The following ZNF93 variants were observed in gnomAD, a reference collection of about 807,000 sequenced individuals.
ZNF93 encodes zinc finger protein 93, also known as zinc finger protein 505.
A neutral mutation model predicts 45.0 loss-of-function variants in ZNF93; 29 were observed. The ratio of observed to expected loss-of-function variants is 0.64; its 90% CI spans 0.48 to 0.88. The LOEUF is 0.88. Among genes scored for constraint, ZNF93 ranks in the 40% least tolerant of loss-of-function variants. ZNF93 has a pLI of 0.00. For synonymous variants in ZNF93, 223 were observed against 244.6 expected (o/e 0.91, Z 0.82); for missense variants, 578 against 724.0 (o/e 0.80, Z 2.31).
At chr19:19,909,908 C>T (rs2063302966) in intron 1 of ZNF93, among the ~76,000 whole-genome samples, 1 of 152,226 alleles carries the variant, frequency 6.6e-6, no homozygotes, top group Non-Finnish European at 1.5e-5. Context: ...GATAGTTCCT[C>T]TACTGTCACT....
At chr19:19,915,910 C>CTG (rs916392131) in intron 2 of ZNF93, among the ~76,000 whole-genome samples, 1 of 152,150 alleles carries the variant, frequency 6.6e-6, no homozygotes, top group African/African-American at 2.4e-5. Flanking sequence ...CTGAGTTGAG[C>CTG]TGTATTCTTC....
intron 1 of ZNF93, among the ~76,000 whole-genome samples, chr19:19,901,851 T>A (rs1289416082): frequency 6.6e-6 from 1 of 151,542 alleles, no homozygotes; most frequent in African/African-American, 2.4e-5. Context: ...CAGCACTTTG[T>A]GAGGCCGTGG....
rs930373620 is a variant in ZNF93, at chr19:19,935,015, G to T, written c.*197G>T. 5.3e-6 allele frequency: 3 copies of T among 568,174 alleles called. No individual in the cohort carries two copies. The highest frequency in any genetic ancestry group is 9.0e-6 in the Non-Finnish European group (3 of 332,382). The allele number at this position is 568,174 out of a possible 1,614,324, so 35.2% of individuals were successfully genotyped here. ...CCTGCAGACCTTGGCCTTTACTACG[G>T]TACCTGAAGTGGTTCAATGACTCAG... On this transcript the variant is annotated 3_prime_UTR_variant, in exon 4 of 4. Coordinates refer to ENST00000343769, the MANE Select transcript of ZNF93 (RefSeq NM_031218.4).
At chr19:19,928,784 G>C (rs1429263906) in intron 3 of ZNF93, among the ~76,000 whole-genome samples, 1 of 152,152 alleles carries the variant, frequency 6.6e-6, no homozygotes, top group African/African-American at 2.4e-5. Context: ...AAAGTGTTAG[G>C]ATTATAGGCA....
In ZNF93 at chr19:19,900,976, C is replaced by T. The variant is rs186738574; in HGVS notation, c.-113C>T. ...TCGGTGCAGCCGGAGCTCCAGGTCT[C>T]CTCTTCACTACTCTGTGTCCTGTGC... On this transcript the variant is annotated 5_prime_UTR_variant, in exon 1 of 4. Coordinates refer to ENST00000343769, the MANE Select transcript of ZNF93 (RefSeq NM_031218.4). 2.8e-4 allele frequency: 433 copies of T among 1,536,238 alleles called. 4 individuals are homozygous for T. The Admixed American group carries it at 4.6e-3, about 16-fold the overall frequency.
chr19:19,919,456 G>A (rs1486343442), intron 3 of ZNF93, among the ~76,000 whole-genome samples: 1 of 148,456 alleles, frequency 6.7e-6, no homozygotes, highest in Non-Finnish European at 1.5e-5. Flanking sequence ...GGTTCCATAT[G>A]AACTTTAAAG....
At chr19:19,928,950 G>T (rs1351475322) in intron 3 of ZNF93, among the ~76,000 whole-genome samples, 4 of 152,154 alleles carry the variant, frequency 2.6e-5, no homozygotes, top group Admixed American at 2.0e-4. Context: ...TCTATAATAT[G>T]GTTTGGATGT....
chr19:19,906,311 G>T (rs541678848), intron 1 of ZNF93, among the ~76,000 whole-genome samples: 2 of 152,074 alleles, frequency 1.3e-5, no homozygotes, highest in African/African-American at 4.8e-5. Flanking sequence ...TCATATGCTT[G>T]TTAGTCACAT....
At chr19:19,921,906 G>C (rs565392785) in intron 3 of ZNF93, among the ~76,000 whole-genome samples, 149 of 152,228 alleles carry the variant, frequency 9.8e-4, no homozygotes, top group African/African-American at 3.5e-3. Context: ...CAATTTGCCA[G>C]TCTTTGTCTT....
chr19:19,917,023 A>AT (rs946445585), intron 3 of ZNF93, among the ~76,000 whole-genome samples: 1 of 151,850 alleles, frequency 6.6e-6, no homozygotes, highest in African/African-American at 2.4e-5. Context: ...TTTTAGTTCT[A>AT]TTTTTGCATC....
At chr19:19,918,005 G>C (rs1330100645) in intron 3 of ZNF93, among the ~76,000 whole-genome samples, 1 of 146,970 alleles carries the variant, frequency 6.8e-6, no homozygotes, top group Admixed American at 6.8e-5. Flanking sequence ...CATCGTGCAG[G>C]TTTGTTACAC....
chr19:19,902,422 C>T (rs923737487), intron 1 of ZNF93, among the ~76,000 whole-genome samples: 4 of 151,936 alleles, frequency 2.6e-5, no homozygotes, highest in Non-Finnish European at 4.4e-5. Flanking sequence ...TCATGCTTGG[C>T]TGATTTTGTG....
At chr19:19,916,794 GTT>G (rs2063325721) in intron 3 of ZNF93, 139 bp downstream of exon 3, 1 of 616,258 alleles carries the variant, frequency 1.6e-6, no homozygotes, top group Non-Finnish European at 2.7e-6. Context: ...TTTTGTTTTT[GTT>G]TCTGTTTTTT....
chr19:19,922,832 C>G (rs543559426), intron 3 of ZNF93, among the ~76,000 whole-genome samples: 2 of 152,264 alleles, frequency 1.3e-5, no homozygotes, highest in South Asian at 4.1e-4. Flanking sequence ...TTTAGTTAGC[C>G]ATTCGTCTAA....
chr19:19,933,814 T>C lies in ZNF93; in HGVS notation c.859T>C (p.Cys287Arg), dbSNP rs767053075. Residue 287 changes from cysteine to arginine, a missense_variant, in exon 4 of 4, where the codon TGT becomes CGT. This residue lies in a region of ZNF93 where 446 missense variants were observed against 547.6 expected (regional missense o/e 0.81). Coordinates refer to ENST00000343769, the MANE Select transcript of ZNF93 (RefSeq NM_031218.4). ...TCATACTGGAGAGAAACCCTACAAA[T>C]GTGAAGAATGTGGCAAAGCTTTTAA... is the stretch of plus-strand genomic sequence containing the variant. The part of the protein sequence containing the change: ...KIHTGEKPYK[C>R]EECGKAFNQS... 1.2e-6 allele frequency: 2 copies of C among 1,613,354 alleles called. No individual in the cohort carries two copies. Among genetic ancestry groups the C allele is most frequent in the East Asian group, 4.5e-5 (2 of 44,852 alleles).
At chr19:19,932,407 C>T (rs2063377573) in intron 3 of ZNF93, 1 of 152,248 alleles carries the variant, frequency 6.6e-6, no homozygotes, top group African/African-American at 2.4e-5. Context: ...ACTCTGTTTT[C>T]TGTTTCTAAG....
At chr19:19,929,644 T>C (rs1013389675) in intron 3 of ZNF93, among the ~76,000 whole-genome samples, 4 of 152,032 alleles carry the variant, frequency 2.6e-5, no homozygotes, top group South Asian at 2.1e-4. Context: ...TGTGCAGAGA[T>C]AAGAGATTGT....
chr19:19,904,386 A>G (rs1408592164), intron 1 of ZNF93, among the ~76,000 whole-genome samples: 1 of 152,166 alleles, frequency 6.6e-6, no homozygotes, highest in African/African-American at 2.4e-5. Context: ...AAACCAGTAA[A>G]CATAACTACA....
chr19:19,933,073 A>G, intron 3 of ZNF93, 109 bp from the exon 4 acceptor site: 1 of 872,500 alleles, frequency 1.1e-6, no homozygotes. Context: ...GTGGTATTTT[A>G]CTATGTCATC....
Sources: gnomAD v4.1 joint callset for allele counts (sites outside exome capture counted in the v4.1 genomes callset) on GRCh38, gnomAD v4.1.1 for gene constraint, gnomAD v4.1.1 regional missense constraint, MANE v1.5 for transcripts, NCBI Gene and HGNC (gene_info 2026-07-23, HGNC 2026-07-21) for gene names.